Variants in PACS1 observed in about 807,000 individuals in gnomAD.
PACS1 encodes the protein phosphofurin acidic cluster sorting protein 1, also known as PACS-1.
Under a neutral mutation model 115.0 loss-of-function variants are expected in PACS1, and 24 were observed. That is an observed-to-expected ratio of 0.21 (90% CI 0.15 to 0.29). The LOEUF (loss-of-function observed/expected upper bound fraction) is 0.29, where lower values mean the gene tolerates loss of function less well. Among genes scored for constraint, PACS1 ranks in the 10% least tolerant of loss-of-function variants. PACS1 has a pLI of 1.00. For synonymous variants in PACS1, 453 were observed against 504.5 expected (o/e 0.90, Z 1.37); for missense variants, 838 against 1,251.2 (o/e 0.67, Z 4.98).
In PACS1 at chr11:66,243,337, G is replaced by T; in HGVS notation, c.*57G>T. ...CACTGCCACCAGCCTCACCGCCTGC[G>T]GGCAGGGGGAGGCCAGCAGGCCCGG... On this transcript the variant is annotated 3_prime_UTR_variant, in exon 24 of 24. Coordinates refer to ENST00000320580, the MANE Select transcript of PACS1 (RefSeq NM_018026.4). 7.9e-7 allele frequency: 1 copy of T among 1,265,324 alleles called. No individual in the cohort carries two copies. The highest frequency in any genetic ancestry group is 1.1e-6 in the Non-Finnish European group (1 of 896,716). The allele number at this position is 1,265,324 out of a possible 1,614,324, so 78.4% of individuals were successfully genotyped here.
chr11:66,100,709 C>A, intron 1 of PACS1: 1 of 439,538 alleles, frequency 2.3e-6, no homozygotes, highest in South Asian at 1.6e-5. Flanking sequence ...GTGAGGTGGG[C>A]TGGTTCAAAG....
chr11:66,162,001 A>G (rs1374779941), intron 1 of PACS1, among the ~76,000 whole-genome samples: 2 of 151,736 alleles, frequency 1.3e-5, no homozygotes, highest in African/African-American at 4.8e-5. Context: ...AACCCCTGGT[A>G]CTTAGGAATG....
chr11:66,238,429 T>G, intron 19 of PACS1: 2 of 783,506 alleles, frequency 2.6e-6, no homozygotes, highest in Non-Finnish European at 3.2e-6. Flanking sequence ...GGTTTTGTTG[T>G]TTTTTGTTTG....
rs1197223709 is a variant in PACS1 at position 66,233,416 on chromosome 11, G to A, written c.1838+350G>A. On this transcript the variant is annotated intron_variant, in intron 15 of 23. Coordinates refer to ENST00000320580, the MANE Select transcript of PACS1 (RefSeq NM_018026.4). This position sits in a 1 kb window ranked among gnomAD's most constrained non-coding sequence, Gnocchi z 4.5. Reference sequence around the variant, plus strand: ...TCTGCAACATGCTGCTAGACACTCAGGAGTCAGTGCTTCCCCTACCCTCAG... The same window carrying A: ...TCTGCAACATGCTGCTAGACACTCAAGAGTCAGTGCTTCCCCTACCCTCAG... Among the ~76,000 whole-genome samples the A allele has an allele frequency of 1.3e-5, 2 of 152,202 alleles. No homozygotes were observed. The highest frequency in any genetic ancestry group is 2.4e-5 in the African/African-American group (1 of 41,462).
chr11:66,220,067 C>T (rs572160965), intron 8 of PACS1, among the ~76,000 whole-genome samples: 2 of 152,154 alleles, frequency 1.3e-5, no homozygotes, highest in East Asian at 1.9e-4. Flanking sequence ...CTCTGGCATG[C>T]GATACAGGGA....
intron 1 of PACS1, among the ~76,000 whole-genome samples, chr11:66,090,072 C>T (rs561001939): frequency 6.7e-6 from 1 of 150,002 alleles, no homozygotes; most frequent in East Asian, 2.0e-4. Context: ...TCTTCTTTGC[C>T]GGGACTGTGG....
At chr11:66,205,068 T>G (rs1332783907) in intron 2 of PACS1, among the ~76,000 whole-genome samples, 1 of 152,012 alleles carries the variant, frequency 6.6e-6, no homozygotes. Flanking sequence ...CACTGCAACC[T>G]CCACCTCCCA....
At chr11:66,171,330 T>A (rs1035676397) in intron 1 of PACS1, among the ~76,000 whole-genome samples, 9 of 150,528 alleles carry the variant, frequency 6.0e-5, no homozygotes, top group Non-Finnish European at 1.3e-4. Flanking sequence ...TCTAGGTGAA[T>A]CTTATGAAGA....
intron 2 of PACS1, among the ~76,000 whole-genome samples, chr11:66,194,111 C>G (rs532054404): frequency 3.3e-5 from 5 of 152,164 alleles, no homozygotes; most frequent in Non-Finnish European, 7.4e-5. Flanking sequence ...CTACAGGCGC[C>G]TGCCACCACG....
In PACS1 at chr11:66,235,331, A is replaced by G. The variant is rs770899339; in HGVS notation, c.2135A>G (p.Gln712Arg). 2 of 1,614,070 alleles carry G rather than the reference A, an allele frequency of 1.2e-6. No individual in the cohort carries two copies. Among genetic ancestry groups the G allele is most frequent in the South Asian group, 2.2e-5 (2 of 91,088 alleles). The change falls in exon 18 of 24, where the codon CAG (glutamine) becomes CGG (arginine). Residue 712 changes from glutamine to arginine, a missense_variant. By Grantham distance (43) the Gln-to-Arg change is conservative. This residue lies in a region of PACS1 where 383 missense variants were observed against 537.0 expected (regional missense o/e 0.71). Transcript: ENST00000320580. The surrounding 1 kb of genome is among the most constrained non-coding windows in gnomAD (Gnocchi z 5.6). Reference sequence around the variant, plus strand: ...CTGGACGTGGCAGGGCGGGTGATGCAGTACGTCAACGGGGCAGCCACGACA... The same window carrying G: ...CTGGACGTGGCAGGGCGGGTGATGCGGTACGTCAACGGGGCAGCCACGACA... Reference protein sequence around the residue: ...EQLDVAGRVMQYVNGAATTHQ... With the variant: ...EQLDVAGRVMRYVNGAATTHQ...
intron 4 of PACS1, among the ~76,000 whole-genome samples, chr11:66,212,783 A>T (rs927545381): frequency 2.6e-5 from 4 of 152,184 alleles, no homozygotes; most frequent in Non-Finnish European, 5.9e-5. Context: ...TCATCACTAT[A>T]CTTGGATGCT....
intron 2 of PACS1, among the ~76,000 whole-genome samples, chr11:66,194,254 G>A (rs1048520886): frequency 2.0e-5 from 3 of 152,130 alleles, no homozygotes; most frequent in Non-Finnish European, 2.9e-5. Flanking sequence ...GTGAGCCACC[G>A]CGCCCAGCCT....
At chr11:66,114,574 C>T (rs1858262634) in intron 1 of PACS1, among the ~76,000 whole-genome samples, 1 of 152,062 alleles carries the variant, frequency 6.6e-6, no homozygotes, top group Non-Finnish European at 1.5e-5. Flanking sequence ...AATTTTCACT[C>T]TAATAGTCAA....
At position 66,232,294 on chromosome 11, in the gene PACS1, G is replaced by A. The variant is rs560600114; in HGVS notation, c.1731+18G>A. The stretch of plus-strand genomic sequence containing the variant: ...AGGGCCAGGTAAGTGCTGAAACTGC[G>A]AGGCCATGTGGGGTCCTGGAGGGCA... On this transcript the variant is annotated intron_variant, in intron 14 of 23. Coordinates refer to ENST00000320580, the MANE Select transcript of PACS1 (RefSeq NM_018026.4). 251 of 1,470,548 alleles carry A rather than the reference G, an allele frequency of 1.7e-4. 3 individuals are homozygous for A. The Admixed American group carries it at 2.9e-3, about 17-fold the overall frequency. 91.1% of individuals were successfully genotyped at this position (1,470,548 alleles called of 1,614,324 possible).
chr11:66,229,955 C>CT (rs1304099914), intron 11 of PACS1, among the ~76,000 whole-genome samples: 2 of 141,168 alleles, frequency 1.4e-5, no homozygotes, highest in African/African-American at 5.3e-5. Flanking sequence ...GAAAGTCCAT[C>CT]CCAAAAAAAA....
At chr11:66,231,089 T>A in intron 13 of PACS1, 149 bp downstream of exon 13, 2 of 990,826 alleles carry the variant, frequency 2.0e-6, no homozygotes, top group Non-Finnish European at 3.0e-6. Context: ...AAGACTAAAT[T>A]AGAGAGGTCT....
intron 2 of PACS1, among the ~76,000 whole-genome samples, chr11:66,200,992 G>A (rs147810559): frequency 0.017 from 2,618 of 152,130 alleles, 72 homozygotes; most frequent in African/African-American, 0.06. Context: ...AGGCCAAGGT[G>A]GGTGGATCAT....
At chr11:66,178,144 C>T (rs1859916621) in intron 1 of PACS1, among the ~76,000 whole-genome samples, 1 of 151,712 alleles carries the variant, frequency 6.6e-6, no homozygotes, top group Non-Finnish European at 1.5e-5. Context: ...TTACAACAAA[C>T]ACCCAATAAC....
chr11:66,159,230 G>C (rs528924972), intron 1 of PACS1, among the ~76,000 whole-genome samples: 2 of 152,328 alleles, frequency 1.3e-5, no homozygotes, highest in East Asian at 1.9e-4. Flanking sequence ...CTGAAGTCGG[G>C]AGTTCGAGAC....
Sources: gnomAD v4.1 joint callset for allele counts (sites outside exome capture counted in the v4.1 genomes callset) on GRCh38, gnomAD v4.1.1 for gene constraint, gnomAD v4.1.1 regional missense constraint, Gnocchi (gnomAD v3.1) non-coding constraint, MANE v1.5 for transcripts, NCBI Gene and HGNC (gene_info 2026-07-23, HGNC 2026-07-21) for gene names.